FGD4: variants seen among roughly 807,000 people sequenced by gnomAD.
FGD4 encodes FYVE, RhoGEF and PH domain containing 4.
A neutral mutation model predicts 102.0 loss-of-function variants in FGD4; 42 were observed. The observed-to-expected ratio is 0.41, with a 90% CI of 0.32 to 0.53. FGD4 has a LOEUF of 0.53. Ranked by LOEUF, FGD4 falls within the 20% of genes least tolerant of loss-of-function variation. FGD4 has a pLI of 0.21. For missense variants in FGD4, 902 were observed against 1,078.2 expected (o/e 0.84, Z 2.29); for synonymous variants, 380 against 375.7 (o/e 1.01, Z -0.13).
At chr12:32,547,633 A>G (rs1386170793) in intron 1 of FGD4, among the ~76,000 whole-genome samples, 1 of 152,236 alleles carries the variant, frequency 6.6e-6, no homozygotes, top group Non-Finnish European at 1.5e-5. Flanking sequence ...TATGATTTCT[A>G]CCATTATTAC....
At chr12:32,415,414 CTTTTTTTTTTTTT>C (rs34612851) in intron 1 of FGD4, among the ~76,000 whole-genome samples, 2 of 89,610 alleles carry the variant, frequency 2.2e-5, no homozygotes, top group Admixed American at 1.4e-4. Flanking sequence ...ATCTGTCTCT[CTTTTTTTTTTTTT>C]TTTTTTTTTT....
chr12:32,594,898 G>A (rs975337619), intron 4 of FGD4, among the ~76,000 whole-genome samples: 1 of 152,062 alleles, frequency 6.6e-6, no homozygotes, highest in African/African-American at 2.4e-5. Context: ...GGGCATGGTG[G>A]CACGCACGTG....
intron 1 of FGD4, among the ~76,000 whole-genome samples, chr12:32,490,187 T>C (rs1944040263): frequency 6.6e-6 from 1 of 152,174 alleles, no homozygotes; most frequent in African/African-American, 2.4e-5. Context: ...GACTATCCTT[T>C]GCCCACTATA....
At chr12:32,438,475 T>C (rs1391550360) in intron 1 of FGD4, among the ~76,000 whole-genome samples, 1 of 152,142 alleles carries the variant, frequency 6.6e-6, no homozygotes, top group African/African-American at 2.4e-5. Context: ...TCAACTGCCT[T>C]GAGCAGTTGA....
rs143822525 is a variant in FGD4 at position 32,565,420 on chromosome 12, A to C, written c.319+1131A>C. On this transcript the variant is annotated intron_variant, in intron 2 of 16. Coordinates refer to ENST00000534526, the MANE Select transcript of FGD4 (RefSeq NM_001370298.3). The stretch of plus-strand genomic sequence containing the variant: ...CTGCTCCCTTATAGCATTGACGTGA[A>C]TATAAACATAGGACTTTTTTTGACC... 3.3e-4 allele frequency among the ~76,000 whole-genome samples: 50 copies of C among 152,326 alleles called. No individual in the cohort carries two copies. In the East Asian group the frequency reaches 9.4e-3, roughly 29 times the overall value.
chr12:32,513,570 A>C (rs569415996), intron 1 of FGD4, among the ~76,000 whole-genome samples: 1 of 152,352 alleles, frequency 6.6e-6, no homozygotes, highest in South Asian at 2.1e-4. Context: ...GATGAGGAGC[A>C]GATGGTACAG....
chr12:32,500,701 G>A (rs1325234600), intron 1 of FGD4, among the ~76,000 whole-genome samples: 1 of 152,082 alleles, frequency 6.6e-6, no homozygotes, highest in Non-Finnish European at 1.5e-5. Flanking sequence ...CAAAGTGCTG[G>A]GATTACAGGC....
intron 1 of FGD4, chr12:32,511,789 A>G (rs1262705707): frequency 2.6e-5 from 4 of 152,068 alleles, no homozygotes; most frequent in South Asian, 2.1e-4. Flanking sequence ...TCTTTTTTTT[A>G]AGTAAAGCAA....
At chr12:32,439,575 A>G (rs563627205) in intron 1 of FGD4, among the ~76,000 whole-genome samples, 7 of 152,204 alleles carry the variant, frequency 4.6e-5, no homozygotes, top group Non-Finnish European at 8.8e-5. Flanking sequence ...AATTTACATT[A>G]CTAGCAGCAA....
chr12:32,426,680 ACT>A (rs1268111645), intron 1 of FGD4, among the ~76,000 whole-genome samples: 2 of 151,810 alleles, frequency 1.3e-5, no homozygotes, highest in South Asian at 2.1e-4. Context: ...TTCAGCTGTG[ACT>A]CTGTCTGGTC....
At chr12:32,434,225 C>T (rs1942153010) in intron 1 of FGD4, among the ~76,000 whole-genome samples, 2 of 152,296 alleles carry the variant, frequency 1.3e-5, no homozygotes, top group Admixed American at 1.3e-4. Context: ...TCCTCACAGA[C>T]CCTGTCTGTT....
In FGD4 at chr12:32,602,188, C is replaced by A; in HGVS notation, c.1275C>A (p.Ile425=). 3.1e-6 allele frequency: 5 copies of A among 1,614,060 alleles called. No individual in the cohort carries two copies. Among genetic ancestry groups the A allele is most frequent in the Non-Finnish European group, 3.4e-6 (4 of 1,180,004 alleles). ...EWETTPRIGD[I]LQKLAPFLKM... ...AAACTACTCCTAGAATTGGAGACATCCTTCAGAAATTGGCACCATTCCTTA... is the reference window on the plus strand; with the variant it reads ...AAACTACTCCTAGAATTGGAGACATACTTCAGAAATTGGCACCATTCCTTA... The change falls in exon 7 of 17, where the codon ATC becomes ATA. Residue 425 remains isoleucine, a synonymous_variant. Coordinates refer to ENST00000534526, the MANE Select transcript of FGD4 (RefSeq NM_001370298.3).
intron 15 of FGD4, among the ~76,000 whole-genome samples, chr12:32,635,690 A>T (rs1463489962): frequency 2.0e-5 from 3 of 152,172 alleles, no homozygotes; most frequent in Non-Finnish European, 2.9e-5. Context: ...TTTTTTTACA[A>T]AATTAAAATT....
intron 10 of FGD4, among the ~76,000 whole-genome samples, chr12:32,612,597 C>T (rs1174114179): frequency 6.6e-6 from 1 of 152,180 alleles, no homozygotes; most frequent in Non-Finnish European, 1.5e-5. Flanking sequence ...CCTCCTTTTG[C>T]TTGTTTCAGA....
intron 1 of FGD4, among the ~76,000 whole-genome samples, chr12:32,476,495 A>C (rs538589349): frequency 1.3e-5 from 2 of 152,268 alleles, no homozygotes; most frequent in Non-Finnish European, 2.9e-5. Context: ...GGAATTGTCA[A>C]CTGGGACCTT....
At chr12:32,533,839 A>G (rs1942013995) in intron 1 of FGD4, among the ~76,000 whole-genome samples, 1 of 152,264 alleles carries the variant, frequency 6.6e-6, no homozygotes, top group African/African-American at 2.4e-5. Context: ...TTGAAATAAC[A>G]TATACGACTT....
At chr12:32,572,068 G>T (rs1353874942) in intron 2 of FGD4, among the ~76,000 whole-genome samples, 2 of 150,396 alleles carry the variant, frequency 1.3e-5, no homozygotes, top group Admixed American at 1.3e-4. Flanking sequence ...ATCTGTGTGC[G>T]TGCGTGTGTG....
At position 32,582,446 on chromosome 12, in the gene FGD4, G is replaced by A. The variant is rs941282980; in HGVS notation, c.990G>A (p.Leu330=). The part of the protein sequence containing the change: ...NGESPLELEQ[L]DQHHEMKETN... ...AAAGCCCTCTGGAACTGGAGCAGCTGGACCAGCACCATGAGATGAAGGTAG... is the reference window on the plus strand; with the variant it reads ...AAAGCCCTCTGGAACTGGAGCAGCTAGACCAGCACCATGAGATGAAGGTAG... The change falls in exon 4 of 17, where the codon CTG becomes CTA. Residue 330 remains leucine, a synonymous_variant. Coordinates refer to ENST00000534526, the MANE Select transcript of FGD4 (RefSeq NM_001370298.3). 3.1e-6 allele frequency: 5 copies of A among 1,611,558 alleles called. No individual in the cohort carries two copies. Among genetic ancestry groups the A allele is most frequent in the Admixed American group, 1.7e-5 (1 of 60,022 alleles).
At chr12:32,553,771 G>A (rs1943564164) in intron 1 of FGD4, among the ~76,000 whole-genome samples, 1 of 152,176 alleles carries the variant, frequency 6.6e-6, no homozygotes, top group African/African-American at 2.4e-5. Context: ...AGCCTATAAT[G>A]CATATAAGTT....
Sources: gnomAD v4.1 joint callset for allele counts (sites outside exome capture counted in the v4.1 genomes callset) on GRCh38, gnomAD v4.1.1 for gene constraint, MANE v1.5 for transcripts, NCBI Gene and HGNC (gene_info 2026-07-23, HGNC 2026-07-21) for gene names.